PREPL: variants seen among roughly 807,000 people sequenced by gnomAD.
PREPL encodes the protein prolyl endopeptidase like, also known as prolyl endopeptidase-like.
A neutral mutation model predicts 70.6 loss-of-function variants in PREPL; 77 were observed. That is an observed-to-expected ratio of 1.09 (90% CI 0.91 to 1.32). PREPL has a LOEUF of 1.32. Among genes scored for constraint, PREPL ranks in the 40% most tolerant of loss-of-function variants. The probability of loss-of-function intolerance (pLI) is 0.00; values close to 1 mark genes in which losing one functional copy is unlikely to be tolerated. For synonymous variants in PREPL, 315 were observed against 264.8 expected, an observed-to-expected ratio of 1.19 and a Z score of -1.84; for missense variants, 1,002 against 778.2, an observed-to-expected ratio of 1.29 and a Z score of -3.42.
At chr2:44,342,576 T>TATAC (rs1675346665) in intron 4 of PREPL, 24 bp from the exon 5 acceptor site, 1 of 1,521,782 alleles carries the variant, frequency 6.6e-7, no homozygotes, top group East Asian at 2.3e-5. Context: ...ATGAGATAAT[T>TATAC]ATACATAATC....
chr2:44,341,825 T>G (rs2103961171), intron 5 of PREPL, among the ~76,000 whole-genome samples: 1 of 152,194 alleles, frequency 6.6e-6, no homozygotes, highest in Non-Finnish European at 1.5e-5. Flanking sequence ...GATACCCAAT[T>G]GAAACCATAG....
intron 8 of PREPL, 85 bp downstream of exon 8, chr2:44,332,374 A>T: frequency 8.4e-7 from 1 of 1,192,948 alleles, no homozygotes; most frequent in Non-Finnish European, 1.2e-6. Context: ...AAACCGTGCT[A>T]ATGTAACTCC....
intron 1 of PREPL, among the ~76,000 whole-genome samples, chr2:44,350,395 T>TA (rs1328208991): frequency 6.6e-6 from 1 of 152,050 alleles, no homozygotes; most frequent in Non-Finnish European, 1.5e-5. Context: ...AATCACACTT[T>TA]AAAAAAATGA....
intron 5 of PREPL, among the ~76,000 whole-genome samples, chr2:44,340,769 A>G (rs1382244702): frequency 6.6e-6 from 1 of 152,046 alleles, no homozygotes. Flanking sequence ...CTCCACAAAA[A>G]ATACAAAAAT....
rs1677479257 is a variant in PREPL at position 44,359,826 on chromosome 2, T to C, written c.-49+1554A>G. 11 of 717,876 alleles carry C rather than the reference T, an allele frequency of 1.5e-5. No homozygotes were observed. In the East Asian group the frequency reaches 2.9e-4, roughly 19 times the overall value. 44.5% of individuals were successfully genotyped at this position (717,876 alleles called of 1,614,324 possible). ...TCAGAGTAACTAAGATCAGCAGTTC[T>C]CATCCCTCCTTTTCAGGGCCATGCC... On this transcript the variant is annotated intron_variant, in intron 1 of 13. Transcript: ENST00000409411.
chr2:44,349,904 T>C (rs1676222553), intron 1 of PREPL, among the ~76,000 whole-genome samples: 1 of 151,980 alleles, frequency 6.6e-6, no homozygotes, highest in Non-Finnish European at 1.5e-5. Context: ...ACCCAAGAAA[T>C]AGAAAAGCTA....
At chr2:44,322,209 C>G (rs1673039246) in intron 12 of PREPL, among the ~76,000 whole-genome samples, 2 of 152,128 alleles carry the variant, frequency 1.3e-5, no homozygotes, top group South Asian at 4.1e-4. Context: ...GAAACACCAA[C>G]TACAGCAATG....
intron 1 of PREPL, among the ~76,000 whole-genome samples, chr2:44,350,145 A>T (rs1032037128): frequency 1.3e-5 from 2 of 152,180 alleles, no homozygotes; most frequent in South Asian, 2.1e-4. Flanking sequence ...TGAGACAATT[A>T]AAAAAATCAA....
chr2:44,335,985 A>G (rs979510331), intron 7 of PREPL, among the ~76,000 whole-genome samples: 7 of 152,298 alleles, frequency 4.6e-5, no homozygotes, highest in African/African-American at 1.7e-4. Flanking sequence ...AGAGGAATGC[A>G]AATCTAAACC....
intron 13 of PREPL, 124 bp downstream of exon 13, chr2:44,321,703 C>G (rs1334324450): frequency 6.3e-7 from 1 of 1,581,264 alleles, no homozygotes; most frequent in Admixed American, 1.8e-5. Flanking sequence ...CCTCCTGGGT[C>G]TCACCCATAG....
chr2:44,361,589 A>C (rs967579914), upstream of PREPL: 1 of 163,172 alleles, frequency 6.1e-6, no homozygotes, highest in East Asian at 1.7e-4. Flanking sequence ...CACGAGCAAC[A>C]GGCAGATTTC....
Position 44,342,524 on chromosome 2 carries a change from A to T in PREPL, c.378T>A (p.Asp126Glu). The T allele has an allele frequency of 1.2e-6, 2 of 1,611,040 alleles. No individual in the cohort carries two copies. The highest frequency in any genetic ancestry group is 1.7e-6 in the Non-Finnish European group (2 of 1,177,822). The change falls in exon 5 of 14, where the codon GAT (aspartate) becomes GAA (glutamate). Residue 126 changes from aspartate (D) to glutamate (E), a missense_variant. Physicochemically the swap from Asp to Glu is conservative, Grantham distance 45 (BLOSUM62 2). Transcript: ENST00000409411. ...FEWVKDEEDE[D>E]VLFYTFQRNL... ...TCCTCTGGAAGGTGTAGAATAAAAC[A>T]TCTTCATCTTCCTCGTCCTTTACCC...
At chr2:44,354,167 C>CAACAAA (rs1238391027) in intron 1 of PREPL, among the ~76,000 whole-genome samples, 2 of 151,652 alleles carry the variant, frequency 1.3e-5, no homozygotes, top group African/African-American at 2.4e-5. Context: ...ACAACAACAA[C>CAACAAA]AACAAAAAAA....
Position 44,343,940 on chromosome 2 carries a change from T to C in PREPL, c.154A>G (p.Asn52Asp). 5 of 1,613,812 alleles carry C rather than the reference T, an allele frequency of 3.1e-6. No individual in the cohort carries two copies. The highest frequency in any genetic ancestry group is 4.2e-6 in the Non-Finnish European group (5 of 1,179,882). ...TCCAAATTGAATAAAACTTCATAATTATCATTGTCTGCTGTATAAAGAAAA... is the reference window on the plus strand; with the variant it reads ...TCCAAATTGAATAAAACTTCATAATCATCATTGTCTGCTGTATAAAGAAAA... ...RSKDEEADND[N>D]YEVLFNLEEL... Residue 52 changes from asparagine to aspartate, a missense_variant, in exon 4 of 14, where the codon AAT (asparagine) becomes GAT (aspartate). Physicochemically the swap from Asn to Asp is conservative, Grantham distance 23 (BLOSUM62 1). Transcript: ENST00000409411.
intron 7 of PREPL, among the ~76,000 whole-genome samples, chr2:44,337,805 A>G (rs1021629529): frequency 6.6e-6 from 1 of 152,210 alleles, no homozygotes; most frequent in Non-Finnish European, 1.5e-5. Flanking sequence ...TCTTGCCACT[A>G]TTAGCCTTCT....
intron 1 of PREPL, among the ~76,000 whole-genome samples, chr2:44,358,434 A>C (rs1677282649): frequency 6.6e-6 from 1 of 152,236 alleles, no homozygotes; most frequent in Non-Finnish European, 1.5e-5. Context: ...TAAATTTGTG[A>C]AACTATTGCA....
rs988774332 is a variant in PREPL, at chr2:44,355,297, C to A, written c.-49+6083G>T. Among the ~76,000 whole-genome samples the A allele has an allele frequency of 3.9e-5, 6 of 152,150 alleles. No homozygotes were observed. In the East Asian group the frequency reaches 5.8e-4, roughly 15 times the overall value. ...CTGCGGTGGCTCATGCCTGTAATCC[C>A]AGCACTTTGAGAGGGCAAGGCAGGT... On this transcript the variant is annotated intron_variant, in intron 1 of 13. Transcript: ENST00000409411.
chr2:44,358,260 G>C (rs991962150), intron 1 of PREPL, among the ~76,000 whole-genome samples: 2 of 152,138 alleles, frequency 1.3e-5, no homozygotes, highest in African/African-American at 4.8e-5. Context: ...ATACAACACA[G>C]ATGAACTTTG....
chr2:44,336,157 T>A (rs1358307810), intron 7 of PREPL, among the ~76,000 whole-genome samples: 4 of 152,162 alleles, frequency 2.6e-5, no homozygotes, highest in African/African-American at 9.6e-5. Context: ...TCTCAAAGAA[T>A]GTAAAACAGA....
Sources: allele counts gnomAD v4.1 joint callset (sites outside exome capture counted in the v4.1 genomes callset), GRCh38; gene constraint gnomAD v4.1.1; transcripts MANE v1.5; gene names NCBI Gene and HGNC (gene_info 2026-07-23, HGNC 2026-07-21).